Variants in FHOD3 observed in about 807,000 individuals in gnomAD.
The protein encoded by FHOD3 is FH1/FH2 domain-containing protein 3.
Under a neutral mutation model 173.0 loss-of-function variants are expected in FHOD3, and 90 were observed. The ratio of observed to expected loss-of-function variants is 0.52; its 90% CI spans 0.44 to 0.62. The LOEUF (loss-of-function observed/expected upper bound fraction) is 0.62, where lower values mean the gene tolerates loss of function less well. Ranked by LOEUF, FHOD3 falls within the 20% of genes least tolerant of loss-of-function variation. The pLI is 0.00. For synonymous variants in FHOD3, 828 were observed against 823.0 expected (o/e 1.01, Z -0.10); for missense variants, 1,945 against 2,034.7 (o/e 0.96, Z 0.85).
chr18:36,625,652 G>A lies in FHOD3; in HGVS notation c.1099G>A (p.Val367Met), dbSNP rs777494766. 1.9e-6 allele frequency: 3 copies of A among 1,612,120 alleles called. No individual in the cohort carries two copies. The highest frequency in any genetic ancestry group is 8.5e-7 in the Non-Finnish European group (1 of 1,178,904). Reference protein sequence around the residue: ...LDRRRSRRHSVQSIKSTLSAP... With the variant: ...LDRRRSRRHSMQSIKSTLSAP... ...CCGCAGAAGGAGCCGCAGGCACTCG[G>A]TGCAGAGCATCAAGAGCACCCTGTC... Residue 367 changes from valine to methionine, a missense_variant, in exon 10 of 29, where the codon GTG becomes ATG. Val to Met is a conservative substitution (Grantham distance 21). Around this residue, in one of 5 missense-constraint regions of FHOD3, gnomAD observed 1,099 missense variants for 1,051.2 expected, o/e 1.05. Coordinates refer to ENST00000590592, the MANE Select transcript of FHOD3 (RefSeq NM_001281740.3).
intron 5 of FHOD3, among the ~76,000 whole-genome samples, chr18:36,529,308 G>A (rs1307377190): frequency 6.6e-6 from 1 of 152,150 alleles, no homozygotes; most frequent in East Asian, 1.9e-4. Context: ...TCGTTTAGCT[G>A]CTGCTCGTGT....
intron 17 of FHOD3, among the ~76,000 whole-genome samples, chr18:36,695,045 T>G (rs1182280922): frequency 6.6e-6 from 1 of 151,820 alleles, no homozygotes; most frequent in Non-Finnish European, 1.5e-5. Flanking sequence ...CAGTATGCTT[T>G]CAAAAGAATA....
rs149817279 is a variant in FHOD3 at position 36,709,121 on chromosome 18, T to A, written c.2263T>A (p.Ser755Thr). Reference protein sequence around the residue: ...QASAGDPEPESEAEPEAEAGA... With the variant: ...QASAGDPEPETEAEPEAEAGA... ...AAGTGCCGGGGATCCTGAACCCGAA[T>A]CAGAGGCAGAACCGGAAGCAGAGGC... Residue 755 changes from serine (S) to threonine (T), a missense_variant, in exon 18 of 29, where the codon TCA becomes ACA. Transcript: ENST00000590592. 1 of 1,613,308 alleles carries A rather than the reference T, an allele frequency of 6.2e-7. No individual in the cohort carries two copies. The highest frequency in any genetic ancestry group is 8.5e-7 in the Non-Finnish European group (1 of 1,179,442).
intron 3 of FHOD3, among the ~76,000 whole-genome samples, chr18:36,375,261 C>G (rs377420316): frequency 2.0e-5 from 3 of 152,310 alleles, no homozygotes; most frequent in Admixed American, 2.0e-4. Context: ...AAACCTTTTT[C>G]ACATCTGTTG....
At chr18:36,467,336 T>A (rs1278153293) in intron 3 of FHOD3, among the ~76,000 whole-genome samples, 2 of 152,150 alleles carry the variant, frequency 1.3e-5, no homozygotes, top group Non-Finnish European at 2.9e-5. Flanking sequence ...GTGAAGAACA[T>A]CTTCAACATT....
chr18:36,534,467 A>C (rs76521388), intron 5 of FHOD3, among the ~76,000 whole-genome samples: 2,991 of 151,646 alleles, frequency 0.02, 74 homozygotes, highest in African/African-American at 0.058. Context: ...ATTTTCTTTT[A>C]TTTTATTTAT....
At chr18:36,369,668 G>A (rs546175647) in intron 2 of FHOD3, among the ~76,000 whole-genome samples, 3 of 152,024 alleles carry the variant, frequency 2.0e-5, no homozygotes, top group Middle Eastern at 3.4e-3. Context: ...TGAACTCTAA[G>A]GGATGAGTCT....
chr18:36,396,200 G>A (rs78588456), intron 3 of FHOD3, among the ~76,000 whole-genome samples: 2,497 of 152,168 alleles, frequency 0.016, 38 homozygotes, highest in Non-Finnish European at 0.021. Context: ...CCAGTAATTA[G>A]ACTGTGTCTT....
chr18:36,653,306 T>A, intron 12 of FHOD3, 36 bp from the exon 13 acceptor site: 3 of 1,462,068 alleles, frequency 2.1e-6, no homozygotes, highest in Non-Finnish European at 2.8e-6. Context: ...TATCTTTCCG[T>A]GCCACATTGT....
At chr18:36,355,875 G>T (rs532447550) in intron 2 of FHOD3, among the ~76,000 whole-genome samples, 1 of 152,314 alleles carries the variant, frequency 6.6e-6, no homozygotes, top group East Asian at 1.9e-4. Context: ...AGGAACATTT[G>T]TGGTAATCAA....
intron 5 of FHOD3, among the ~76,000 whole-genome samples, chr18:36,558,531 A>G (rs1049019008): frequency 1.3e-5 from 2 of 152,226 alleles, no homozygotes; most frequent in Non-Finnish European, 2.9e-5. Context: ...CAAAATATAT[A>G]AAACTTTTTG....
rs538409307 is a variant in FHOD3, at chr18:36,608,086, C to T, written c.814-3866C>T. On this transcript the variant is annotated intron_variant, in intron 8 of 28. Coordinates refer to ENST00000590592, the MANE Select transcript of FHOD3 (RefSeq NM_001281740.3). Reference sequence around the variant, plus strand: ...AATTTTTCCAGCCTCTACCTGTTACCCAATTCCAAAGCTGCTTTCACGTTT... The same window carrying T: ...AATTTTTCCAGCCTCTACCTGTTACTCAATTCCAAAGCTGCTTTCACGTTT... Among the ~76,000 whole-genome samples the T allele has an allele frequency of 1.4e-4, 21 of 152,266 alleles. No individual in the cohort carries two copies. In the East Asian group the frequency reaches 3.9e-3, roughly 28 times the overall value.
intron 1 of FHOD3, among the ~76,000 whole-genome samples, chr18:36,336,959 GGC>G (rs2145362345): frequency 6.6e-6 from 1 of 151,544 alleles, no homozygotes; most frequent in South Asian, 2.1e-4. Flanking sequence ...ATCTACTTGA[GGC>G]CAGGAGTTTG....
intron 20 of FHOD3, among the ~76,000 whole-genome samples, chr18:36,732,169 C>A (rs917361834): frequency 1.3e-5 from 2 of 152,094 alleles, no homozygotes; most frequent in African/African-American, 4.8e-5. Flanking sequence ...CAAAGAATAC[C>A]AAGGATCGTG....
At chr18:36,505,455 A>G (rs1280179385) in intron 4 of FHOD3, among the ~76,000 whole-genome samples, 1 of 152,232 alleles carries the variant, frequency 6.6e-6, no homozygotes, top group Admixed American at 6.5e-5. Flanking sequence ...ATGAAGCTAA[A>G]AATGAAGATC....
chr18:36,639,202 A>G (rs28419314), intron 10 of FHOD3, among the ~76,000 whole-genome samples: 2,658 of 152,174 alleles, frequency 0.017, 93 homozygotes, highest in African/African-American at 0.061. Flanking sequence ...CTTCATCCTA[A>G]TTTCTCTGTC....
intron 24 of FHOD3, among the ~76,000 whole-genome samples, chr18:36,754,345 G>A (rs1275899829): frequency 2.0e-5 from 3 of 152,216 alleles, no homozygotes; most frequent in South Asian, 4.2e-4. Flanking sequence ...TTGTTCCACA[G>A]AAAGCTTTCC....
chr18:36,355,494 C>T (rs1308481961), intron 1 of FHOD3, 45 bp from the exon 2 acceptor site: 10 of 1,488,052 alleles, frequency 6.7e-6, no homozygotes, highest in Non-Finnish European at 9.4e-6. Context: ...TATGTAGTCT[C>T]CATCTGAGGA....
intron 17 of FHOD3, among the ~76,000 whole-genome samples, chr18:36,700,663 C>G (rs2039532242): frequency 6.6e-6 from 1 of 151,974 alleles, no homozygotes; most frequent in African/African-American, 2.4e-5. Context: ...CTCAGCAACC[C>G]AATTTAAAAA....
Sources: allele counts gnomAD v4.1 joint callset (sites outside exome capture counted in the v4.1 genomes callset), GRCh38; gene constraint gnomAD v4.1.1; regional missense constraint gnomAD v4.1.1; transcripts MANE v1.5; gene names NCBI Gene and HGNC (gene_info 2026-07-23, HGNC 2026-07-21).